KCNIP4: variants seen among roughly 807,000 people sequenced by gnomAD.
KCNIP4 encodes potassium voltage-gated channel interacting protein 4.
In KCNIP4, 12 loss-of-function variants were observed where a neutral mutation model predicts 34.0. The ratio of observed to expected loss-of-function variants is 0.35; its 90% CI spans 0.23 to 0.57. The LOEUF (loss-of-function observed/expected upper bound fraction) is 0.57, where lower values mean the gene tolerates loss of function less well. KCNIP4 is among the 20% of genes least tolerant of loss of function. KCNIP4 has a pLI of 0.83. For synonymous variants in KCNIP4, 124 were observed against 102.2 expected (o/e 1.21, Z -1.29); for missense variants, 238 against 311.7 (o/e 0.76, Z 1.78).
Position 21,234,172 on chromosome 4 carries a change from TA to T in KCNIP4, c.62-351464del, listed in dbSNP as rs1471602615. 1.7e-5 allele frequency among the ~76,000 whole-genome samples: 2 copies of T among 117,594 alleles called. 1 individual carries two copies. The highest frequency in any genetic ancestry group is 7.5e-5 in the African/African-American group (2 of 26,828). The allele number at this position is 117,594 out of a possible 152,430, so 77.1% of individuals were successfully genotyped here. On this transcript the variant is annotated intron_variant, in intron 1 of 8. Transcript: ENST00000382152. Reference sequence around the variant, plus strand: ...TAACATATATAACGTATATTATATATAACATATATAACGTATATTATATATA... The same window carrying T: ...TAACATATATAACGTATATTATATATACATATATAACGTATATTATATATA...
intron 1 of KCNIP4, among the ~76,000 whole-genome samples, chr4:20,993,702 A>C (rs1429384620): frequency 1.3e-5 from 2 of 152,204 alleles, no homozygotes; most frequent in East Asian, 3.8e-4. Flanking sequence ...CCATTACTAT[A>C]ATGCTGAAAT....
chr4:21,870,114 G>A (rs948426257), intron 1 of KCNIP4, among the ~76,000 whole-genome samples: 3 of 152,094 alleles, frequency 2.0e-5, no homozygotes, highest in Non-Finnish European at 4.4e-5. Flanking sequence ...TGGACTCTAG[G>A]TCCCTTGCAA....
intron 1 of KCNIP4, among the ~76,000 whole-genome samples, chr4:21,359,884 T>C (rs1296631653): frequency 6.6e-6 from 1 of 152,078 alleles, no homozygotes; most frequent in African/African-American, 2.4e-5. Context: ...TCATATAAGA[T>C]GAAGAAATAT....
rs572352443 is a variant in KCNIP4, at chr4:21,714,327, C to T, written c.61+234244G>A. On this transcript the variant is annotated intron_variant, in intron 1 of 8. Coordinates refer to ENST00000382152, the MANE Select transcript of KCNIP4 (RefSeq NM_025221.6). ...CTTTACAATCTCCCCTGATATTTCT[C>T]GGCTCTCTAGTCTCCTTTGTTCTTT... Among the ~76,000 whole-genome samples, 328 of 152,226 alleles carry T rather than the reference C, an allele frequency of 2.2e-3. 1 individual carries two copies. The highest frequency in any genetic ancestry group is 3.2e-3 in the Non-Finnish European group (220 of 68,028).
At chr4:20,746,635 A>T (rs994794653) in intron 5 of KCNIP4, among the ~76,000 whole-genome samples, 6 of 152,034 alleles carry the variant, frequency 3.9e-5, no homozygotes, top group African/African-American at 1.4e-4. Flanking sequence ...TGACTTTTTC[A>T]TTTTTACATT....
intron 1 of KCNIP4, among the ~76,000 whole-genome samples, chr4:20,976,219 T>C (rs893912139): frequency 6.6e-6 from 1 of 152,166 alleles, no homozygotes; most frequent in African/African-American, 2.4e-5. Flanking sequence ...CCATTAGAAA[T>C]GTGAATTATG....
intron 3 of KCNIP4, among the ~76,000 whole-genome samples, chr4:20,844,141 T>C (rs1437558093): frequency 2.0e-5 from 3 of 152,190 alleles, no homozygotes; most frequent in Admixed American, 2.0e-4. Context: ...TCTAAGCCAT[T>C]GTTCAAGCTC....
At chr4:21,027,391 G>A (rs1394493349) in intron 1 of KCNIP4, among the ~76,000 whole-genome samples, 1 of 151,872 alleles carries the variant, frequency 6.6e-6, no homozygotes, top group East Asian at 1.9e-4. Flanking sequence ...CGTCACCCCT[G>A]GGTTAAATCA....
intron 1 of KCNIP4, among the ~76,000 whole-genome samples, chr4:21,380,468 A>AGAGAGGGG (rs1721397024): frequency 6.9e-6 from 1 of 144,378 alleles, no homozygotes; most frequent in East Asian, 2.0e-4. Flanking sequence ...GGAGAGAGAG[A>AGAGAGGGG]GAGAGAGGGA....
chr4:20,843,872 G>C (rs1056944120), intron 3 of KCNIP4, among the ~76,000 whole-genome samples: 1 of 152,126 alleles, frequency 6.6e-6, no homozygotes, highest in Non-Finnish European at 1.5e-5. Context: ...ACACAATTTC[G>C]TTCACACCAA....
intron 3 of KCNIP4, among the ~76,000 whole-genome samples, chr4:20,771,086 T>A (rs1755835084): frequency 6.6e-6 from 1 of 152,184 alleles, no homozygotes; most frequent in Non-Finnish European, 1.5e-5. Context: ...CTACACCATT[T>A]CATATAACGA....
intron 1 of KCNIP4, among the ~76,000 whole-genome samples, chr4:21,017,295 G>T (rs1739628814): frequency 6.6e-6 from 1 of 152,198 alleles, no homozygotes; most frequent in East Asian, 1.9e-4. Context: ...CCATCACCTG[G>T]GTATTAAGTC....
chr4:20,916,983 G>C (rs747395323), intron 1 of KCNIP4, among the ~76,000 whole-genome samples: 4 of 71,876 alleles, frequency 5.6e-5, no homozygotes, highest in Admixed American at 1.5e-4. Context: ...ACCATCTTAT[G>C]TTTATATATA....
At chr4:21,279,797 T>A (rs890505451) in intron 1 of KCNIP4, among the ~76,000 whole-genome samples, 1 of 152,032 alleles carries the variant, frequency 6.6e-6, no homozygotes, top group Admixed American at 6.6e-5. Flanking sequence ...TCCTCTTCTG[T>A]AAAATGGGCA....
chr4:20,883,305 T>A (rs1238067761), intron 1 of KCNIP4, among the ~76,000 whole-genome samples: 2 of 152,210 alleles, frequency 1.3e-5, no homozygotes, highest in Non-Finnish European at 2.9e-5. Flanking sequence ...TCCCATTTTT[T>A]ACATGTGGAC....
chr4:21,781,608 T>G (rs6822925), intron 1 of KCNIP4, among the ~76,000 whole-genome samples: 6 of 151,666 alleles, frequency 4.0e-5, no homozygotes, highest in Admixed American at 1.3e-4. Flanking sequence ...ATTTATCGAA[T>G]AGAAAGGAAA....
intron 1 of KCNIP4, among the ~76,000 whole-genome samples, chr4:21,086,461 C>T (rs1746440818): frequency 6.6e-6 from 1 of 152,148 alleles, no homozygotes; most frequent in Non-Finnish European, 1.5e-5. Flanking sequence ...AATGTAATTG[C>T]TCCAACAGTA....
chr4:21,697,772 G>C, intron 1 of KCNIP4: 1 of 640,478 alleles, frequency 1.6e-6, no homozygotes, highest in Non-Finnish European at 2.0e-6. Context: ...TCCAGAAGCA[G>C]TTGCAACCTC....
At chr4:21,800,148 C>T in intron 1 of KCNIP4, among the ~76,000 whole-genome samples, 1 of 151,974 alleles carries the variant, frequency 6.6e-6, no homozygotes, top group East Asian at 1.9e-4. Flanking sequence ...TAAAATTGTC[C>T]ATTCTATTGG....
Sources: allele counts gnomAD v4.1 joint callset (sites outside exome capture counted in the v4.1 genomes callset), GRCh38; gene constraint gnomAD v4.1.1; transcripts MANE v1.5; gene names NCBI Gene and HGNC (gene_info 2026-07-23, HGNC 2026-07-21).